Variants in MYT1L observed in about 807,000 individuals in gnomAD.
MYT1L encodes myelin transcription factor 1 like, also known as myelin transcription factor 1-like protein.
MYT1L carries 12 observed loss-of-function variants against 126.7 expected under a neutral mutation model. The observed-to-expected ratio is 0.09, with a 90% CI of 0.06 to 0.15. MYT1L has a LOEUF of 0.15. Ranked by LOEUF, MYT1L falls within the 10% of genes least tolerant of loss-of-function variation. The pLI, the probability that MYT1L is intolerant of heterozygous loss-of-function variation, is 1.00. For missense variants in MYT1L, 979 were observed against 1,585.2 expected (o/e 0.62, Z 6.49); for synonymous variants, 541 against 604.2 (o/e 0.90, Z 1.53).
At chr2:1,797,011 T>C (rs945797300) in intron 23 of MYT1L, among the ~76,000 whole-genome samples, 3 of 152,172 alleles carry the variant, frequency 2.0e-5, no homozygotes, top group Non-Finnish European at 4.4e-5. Flanking sequence ...TTGTCTCTGC[T>C]CCGGGCTCTG....
intron 9 of MYT1L, among the ~76,000 whole-genome samples, chr2:1,935,774 G>A (rs544944530): frequency 1.1e-4 from 17 of 152,280 alleles, no homozygotes; most frequent in African/African-American, 3.9e-4. Flanking sequence ...AAATTCACAA[G>A]GCATAGCAGA....
chr2:2,015,572 G>T (rs1160651610), intron 4 of MYT1L, among the ~76,000 whole-genome samples: 1 of 152,170 alleles, frequency 6.6e-6, no homozygotes, highest in Non-Finnish European at 1.5e-5. Context: ...AGTGTGCAAG[G>T]CATTATATGA....
intron 1 of MYT1L, among the ~76,000 whole-genome samples, chr2:2,320,472 G>T (rs1218587566): frequency 7.1e-5 from 10 of 140,076 alleles, no homozygotes; most frequent in Admixed American, 1.4e-4. Context: ...TATACTCTAA[G>T]TCCTAGAAAA....
chr2:2,286,812 G>T (rs144554027), intron 1 of MYT1L, among the ~76,000 whole-genome samples: 4 of 152,318 alleles, frequency 2.6e-5, no homozygotes, highest in African/African-American at 9.6e-5. Context: ...CCACCCACCT[G>T]CACTTGAAAG....
chr2:1,892,019 C>T lies in MYT1L; in HGVS notation c.2283+18G>A. ...TCCCCCACCCGCCAGGTGGCTCCAC[C>T]TGCCCAGGCGCGCGTACCCGCGTGG... is the stretch of plus-strand genomic sequence containing the variant. On this transcript the variant is annotated intron_variant, in intron 15 of 24. Transcript: ENST00000647738. 1 of 1,497,138 alleles carries T rather than the reference C, an allele frequency of 6.7e-7. No homozygotes were observed. Among genetic ancestry groups the T allele is most frequent in the Non-Finnish European group, 8.9e-7 (1 of 1,123,494 alleles). The allele number at this position is 1,497,138 out of a possible 1,614,324, so 92.7% of individuals were successfully genotyped here. A position where few individuals can be genotyped will look rare whatever the true frequency, so the allele number is the denominator to read the frequency against.
intron 3 of MYT1L, among the ~76,000 whole-genome samples, chr2:2,071,924 G>A (rs2074651355): frequency 6.6e-6 from 1 of 152,166 alleles, no homozygotes; most frequent in African/African-American, 2.4e-5. Flanking sequence ...AGGAGGGAGA[G>A]CAGATTTTAG....
At chr2:1,892,731 C>G (rs912849899) in intron 14 of MYT1L, among the ~76,000 whole-genome samples, 1 of 152,058 alleles carries the variant, frequency 6.6e-6, no homozygotes, top group African/African-American at 2.4e-5. Flanking sequence ...CATGAGGGCT[C>G]GTGAGCACTT....
chr2:2,224,872 T>G lies in MYT1L; in HGVS notation c.-420-51884A>C, dbSNP rs932280651. Among the ~76,000 whole-genome samples, 2 of 152,044 alleles carry G rather than the reference T, an allele frequency of 1.3e-5. No individual in the cohort carries two copies. The highest frequency in any genetic ancestry group is 4.8e-5 in the African/African-American group (2 of 41,408). On this transcript the variant is annotated intron_variant, in intron 2 of 24. Transcript: ENST00000647738. The surrounding 1 kb of genome is among the most constrained non-coding windows in gnomAD (Gnocchi z 4.0). ...TGTTTCAAATCCTTGAGAAAGGTCT[T>G]AACCAGGGCTAGCCTTATGCTTGTG...
At chr2:2,075,862 CTT>C (rs1437311333) in intron 3 of MYT1L, among the ~76,000 whole-genome samples, 2 of 152,226 alleles carry the variant, frequency 1.3e-5, no homozygotes, top group Admixed American at 1.3e-4. Context: ...ATGAGTGTGA[CTT>C]TTTAATTTGG....
intron 1 of MYT1L, among the ~76,000 whole-genome samples, chr2:2,314,944 T>A (rs1478076976): frequency 6.6e-6 from 1 of 152,176 alleles, no homozygotes; most frequent in Non-Finnish European, 1.5e-5. Flanking sequence ...CCCTACTTAG[T>A]AAATGGTGCT....
In MYT1L at chr2:1,811,405, C is replaced by CAGCTCTGGCGTCATG. The variant is rs1202298640; in HGVS notation, c.3081-2239_3081-2238insCATGACGCCAGAGCT. The CAGCTCTGGCGTCATG allele has an allele frequency of 6.6e-6, 1 of 152,594 alleles. No individual in the cohort carries two copies. Among genetic ancestry groups the CAGCTCTGGCGTCATG allele is most frequent in the African/African-American group, 2.4e-5 (1 of 41,412 alleles). The allele number at this position is 152,594 out of a possible 1,614,324, so 9.5% of individuals were successfully genotyped here. A position where few individuals can be genotyped will look rare whatever the true frequency, so the allele number is the denominator to read the frequency against. On this transcript the variant is annotated intron_variant, in intron 21 of 24. Transcript: ENST00000647738. This position sits in a 1 kb window ranked among gnomAD's most constrained non-coding sequence, Gnocchi z 4.4. The stretch of plus-strand genomic sequence containing the variant: ...CTGGCGTCATCAGCTCTGGCGTCAT[C>CAGCTCTGGCGTCATG]AGCTCCAGCATCATCAGCTCCCGCG...
chr2:2,244,127 TC>T (rs1055284266), intron 2 of MYT1L, among the ~76,000 whole-genome samples: 1 of 152,208 alleles, frequency 6.6e-6, no homozygotes, highest in African/African-American at 2.4e-5. Context: ...CTCAAACTTA[TC>T]AAAAGATTTT....
chr2:1,956,396 A>G (rs13394810), intron 8 of MYT1L, among the ~76,000 whole-genome samples: 767 of 64,162 alleles, frequency 0.012, 28 homozygotes, highest in East Asian at 0.025. Flanking sequence ...TATTCTTTCT[A>G]TCTGTCTGTC....
intron 3 of MYT1L, among the ~76,000 whole-genome samples, chr2:2,127,726 T>C (rs926284472): frequency 2.6e-5 from 4 of 152,196 alleles, no homozygotes; most frequent in African/African-American, 9.6e-5. Flanking sequence ...GCTGGACCAC[T>C]GAGCAAAGAT....
intron 5 of MYT1L, among the ~76,000 whole-genome samples, chr2:1,991,109 G>A (rs531869358): frequency 7.2e-5 from 11 of 152,212 alleles, no homozygotes; most frequent in Middle Eastern, 3.4e-3. Flanking sequence ...CAGCCCCTCC[G>A]CTGGTCTCAA....
intron 2 of MYT1L, among the ~76,000 whole-genome samples, chr2:2,242,703 C>T (rs1052181643): frequency 6.6e-6 from 1 of 152,150 alleles, no homozygotes; most frequent in South Asian, 2.1e-4. Flanking sequence ...AGGAGGAAAG[C>T]CCATTTCAAG....
intron 21 of MYT1L, 29 bp downstream of exon 21, chr2:1,839,120 G>A (rs111984953): frequency 0.024 from 37,297 of 1,573,942 alleles, 519 homozygotes; most frequent in Non-Finnish European, 0.027. Flanking sequence ...CACCATCCCA[G>A]CCAGGGTCCC....
At chr2:1,928,760 A>G (rs191681462) in intron 9 of MYT1L, among the ~76,000 whole-genome samples, 4 of 152,216 alleles carry the variant, frequency 2.6e-5, no homozygotes, top group Non-Finnish European at 5.9e-5. Flanking sequence ...TGGAACTGCC[A>G]GCTTAGTGAG....
chr2:2,097,499 C>A (rs1389139793), intron 3 of MYT1L, among the ~76,000 whole-genome samples: 3 of 152,154 alleles, frequency 2.0e-5, no homozygotes, highest in Non-Finnish European at 4.4e-5. Context: ...TCTCATTAGG[C>A]CACACACAAG....
Sources: allele counts gnomAD v4.1 joint callset (sites outside exome capture counted in the v4.1 genomes callset), GRCh38; gene constraint gnomAD v4.1.1; non-coding constraint Gnocchi (gnomAD v3.1); transcripts MANE v1.5; gene names NCBI Gene and HGNC (gene_info 2026-07-23, HGNC 2026-07-21).